CETP: variants seen among roughly 807,000 people sequenced by gnomAD.
CETP encodes the protein BPI fold containing family F.
CETP carries 56 observed loss-of-function variants against 66.5 expected under a neutral mutation model. The observed-to-expected ratio is 0.84, with a 90% CI of 0.68 to 1.05. The LOEUF is 1.05. CETP is among the 50% of genes least tolerant of loss of function. The probability of loss-of-function intolerance (pLI) is 0.00; values close to 1 mark genes in which losing one functional copy is unlikely to be tolerated. For synonymous variants in CETP, 251 were observed against 245.7 expected (o/e 1.02, Z -0.20); for missense variants, 612 against 609.6 (o/e 1.00, Z -0.04).
At position 56,981,235 on chromosome 16, in the gene CETP, G is replaced by A. The variant is rs1465679491; in HGVS notation, c.1214+10G>A. 8 of 1,605,828 alleles carry A rather than the reference G, an allele frequency of 5.0e-6. No individual in the cohort carries two copies. Among genetic ancestry groups the A allele is most frequent in the African/African-American group, 1.3e-5 (1 of 74,742 alleles). ...GCCTCTTGGATTTCCAGTATGTGCT[G>A]CAGAGAAGAGAGGGGGCGGTCAACT... On this transcript the variant is annotated intron_variant, in intron 12 of 15. Transcript: ENST00000200676.
intron 2 of CETP, among the ~76,000 whole-genome samples, chr16:56,964,800 C>T (rs1479948164): frequency 6.6e-6 from 1 of 152,214 alleles, no homozygotes; most frequent in African/African-American, 2.4e-5. Flanking sequence ...CGCGCAGCCA[C>T]GCCCTCTGTG....
chr16:56,981,495 C>T, intron 12 of CETP, 152 bp from the exon 13 acceptor site: 1 of 1,010,178 alleles, frequency 9.9e-7, no homozygotes, highest in Non-Finnish European at 1.5e-6. Context: ...AATAGCAAAT[C>T]TCAAGGGAAT....
At chr16:56,962,492 G>T (rs2056031235) in intron 1 of CETP, 30 of 428,690 alleles carry the variant, frequency 7.0e-5, no homozygotes, top group South Asian at 5.3e-4. Context: ...GGGTTGCCAT[G>T]AGCTCAGGTG....
At chr16:56,968,981 A>G (rs1228322472) in intron 2 of CETP, among the ~76,000 whole-genome samples, 1 of 151,978 alleles carries the variant, frequency 6.6e-6, no homozygotes, top group Non-Finnish European at 1.5e-5. Flanking sequence ...ATTTCTAGAT[A>G]TAAATCTCCC....
chr16:56,962,951 G>A (rs2056035127), intron 1 of CETP, 59 bp from the exon 2 acceptor site: 12 of 1,471,176 alleles, frequency 8.2e-6, no homozygotes, highest in South Asian at 1.1e-5. Flanking sequence ...CCAGTTGGGG[G>A]TGGGAGCAGG....
chr16:56,973,265 C>T, intron 8 of CETP, 66 bp from the exon 9 acceptor site: 1 of 1,551,640 alleles, frequency 6.4e-7, no homozygotes, highest in Admixed American at 1.7e-5. Flanking sequence ...CTCCCAATCT[C>T]CCTGAAGCTG....
chr16:56,965,033 G>A (rs1567469271), intron 2 of CETP, among the ~76,000 whole-genome samples: 1 of 152,214 alleles, frequency 6.6e-6, no homozygotes, highest in African/African-American at 2.4e-5. Flanking sequence ...CAAGGCTGCG[G>A]TGAGCTATGA....
At chr16:56,963,976 T>G (rs765661976) in intron 2 of CETP, among the ~76,000 whole-genome samples, 1 of 148,502 alleles carries the variant, frequency 6.7e-6, no homozygotes, top group African/African-American at 2.5e-5. Context: ...GCCCTTTATC[T>G]ATCTTAATCT....
rs766793959 is a variant in CETP at position 56,963,114 on chromosome 16, G to A, written c.223G>A (p.Gly75Arg). ...AMMLLGQVKY[G>R]LHNIQISHLS... ...GATGCTCCTTGGCCAAGTCAAGTATGGGTTGCACAAGTGAGTCGGGCCTCG... is the reference window on the plus strand; with the variant it reads ...GATGCTCCTTGGCCAAGTCAAGTATAGGTTGCACAAGTGAGTCGGGCCTCG... Residue 75 changes from glycine (G) to arginine (R), a missense_variant, in exon 2 of 16, where the codon GGG becomes AGG. Gly to Arg is a moderately radical substitution (Grantham distance 125). Coordinates refer to ENST00000200676, the MANE Select transcript of CETP (RefSeq NM_000078.3). The A allele has an allele frequency of 1.2e-6, 2 of 1,613,970 alleles. No individual in the cohort carries two copies. The highest frequency in any genetic ancestry group is 1.1e-5 in the South Asian group (1 of 91,080).
Position 56,969,998 on chromosome 16 carries a change from G to A in CETP, c.524G>A (p.Arg175Gln), listed in dbSNP as rs145690607. The A allele has an allele frequency of 2.3e-5, 37 of 1,613,228 alleles. No homozygotes were observed. Among genetic ancestry groups the A allele is most frequent in the South Asian group, 1.9e-4 (17 of 90,992 alleles). Reference sequence around the variant, plus strand: ...CTGCTCCTGCATCTCCAAGGGGAGCGAGAGTAAGTACACCACCCTGTGGCC... The same window carrying A: ...CTGCTCCTGCATCTCCAAGGGGAGCAAGAGTAAGTACACCACCCTGTGGCC... ...HKLLLHLQGE[R>Q]EPGWIKQLFT... Residue 175 changes from arginine to glutamine, a missense_variant, in exon 5 of 16, where the codon CGA (arginine) becomes CAA (glutamine). Transcript: ENST00000200676.
Position 56,961,968 on chromosome 16 carries a change from T to A in CETP, c.-12T>A. Reference sequence around the variant, plus strand: ...ACGGCTCGGGCCACTTACACACCACTGCCTGATAACCATGCTGGCTGCCAC... The same window carrying A: ...ACGGCTCGGGCCACTTACACACCACAGCCTGATAACCATGCTGGCTGCCAC... On this transcript the variant is annotated 5_prime_UTR_variant, in exon 1 of 16. Coordinates refer to ENST00000200676, the MANE Select transcript of CETP (RefSeq NM_000078.3). 1 of 1,611,118 alleles carries A rather than the reference T, an allele frequency of 6.2e-7. No individual in the cohort carries two copies. The highest frequency in any genetic ancestry group is 8.5e-7 in the Non-Finnish European group (1 of 1,177,412).
At chr16:56,965,864 G>T (rs550932278) in intron 2 of CETP, among the ~76,000 whole-genome samples, 2 of 141,128 alleles carry the variant, frequency 1.4e-5, no homozygotes, top group Non-Finnish European at 3.1e-5. Context: ...CCAAGTCCCC[G>T]GCGGCACAGG....
Position 56,978,211 on chromosome 16 carries a change from C to A in CETP, c.1102C>A (p.Pro368Thr). 1 of 1,614,222 alleles carries A rather than the reference C, an allele frequency of 6.2e-7. No homozygotes were observed. The highest frequency in any genetic ancestry group is 8.5e-7 in the Non-Finnish European group (1 of 1,180,052). ...TTCAGTGATGGTGAAATTCCTCTTT[C>A]CACGCCCAGACCAGCAACATTCTGT... is the stretch of plus-strand genomic sequence containing the variant. ...NSSVMVKFLF[P>T]RPDQQHSVAY... The change falls in exon 11 of 16, where the codon CCA (proline) becomes ACA (threonine). Residue 368 changes from proline to threonine, a missense_variant. Pro to Thr is a conservative substitution (Grantham distance 38). Coordinates refer to ENST00000200676, the MANE Select transcript of CETP (RefSeq NM_000078.3).
intron 11 of CETP, 25 bp downstream of exon 11, chr16:56,978,280 G>A (rs781256793): frequency 2.7e-5 from 43 of 1,613,914 alleles, no homozygotes; most frequent in South Asian, 9.9e-5. Context: ...GGGAGAGGTG[G>A]TGGTGGGGGA....
chr16:56,979,661 C>T lies in CETP; in HGVS notation c.1146+1406C>T, dbSNP rs150840589. 3.2e-3 allele frequency among the ~76,000 whole-genome samples: 493 copies of T among 151,928 alleles called. 2 individuals are homozygous for T. The highest frequency in any genetic ancestry group is 0.024 in the East Asian group (122 of 5,120). Reference sequence around the variant, plus strand: ...CAGTAGCTAGCTGGCACTACAGGCGCGTGCCACCACGCCCAGCTAATTTTT... The same window carrying T: ...CAGTAGCTAGCTGGCACTACAGGCGTGTGCCACCACGCCCAGCTAATTTTT... On this transcript the variant is annotated intron_variant, in intron 11 of 15. Transcript: ENST00000200676.
chr16:56,974,310 A>G (rs1410192876), intron 9 of CETP, among the ~76,000 whole-genome samples: 2 of 152,246 alleles, frequency 1.3e-5, no homozygotes, highest in African/African-American at 4.8e-5. Context: ...TCAGCTGTGC[A>G]CGGCGGTGCA....
chr16:56,970,315 C>A (rs373462850), intron 5 of CETP, among the ~76,000 whole-genome samples: 1 of 152,198 alleles, frequency 6.6e-6, no homozygotes. Context: ...ATTCTGTTAT[C>A]ATCCCCTTTT....
At chr16:56,978,714 G>A (rs2056167924) in intron 11 of CETP, among the ~76,000 whole-genome samples, 1 of 152,112 alleles carries the variant, frequency 6.6e-6, no homozygotes. Context: ...TCAAACTCCT[G>A]GCCTCAAGCA....
intron 11 of CETP, among the ~76,000 whole-genome samples, 186 bp from the exon 12 acceptor site, chr16:56,980,972 C>T (rs1486709378): frequency 1.3e-5 from 2 of 152,168 alleles, no homozygotes; most frequent in African/African-American, 4.8e-5. Context: ...CAGGTCCTAA[C>T]CCCAAAGCCA....
Sources: allele counts gnomAD v4.1 joint callset (sites outside exome capture counted in the v4.1 genomes callset), GRCh38; gene constraint gnomAD v4.1.1; transcripts MANE v1.5; gene names NCBI Gene and HGNC (gene_info 2026-07-23, HGNC 2026-07-21).